The following KCNJ6 variants were observed in gnomAD, a reference collection of about 807,000 sequenced individuals.
KCNJ6 encodes G protein-activated inward rectifier potassium channel 2.
A neutral mutation model predicts 34.2 loss-of-function variants in KCNJ6; 9 were observed. The observed-to-expected ratio is 0.26, with a 90% CI of 0.16 to 0.46. The LOEUF is 0.46. Among genes scored for constraint, KCNJ6 ranks in the 20% least tolerant of loss-of-function variants. The probability of loss-of-function intolerance (pLI) is 1.00; values close to 1 mark genes in which losing one functional copy is unlikely to be tolerated. For missense variants in KCNJ6, 236 were observed against 531.3 expected (o/e 0.44, Z 5.46); for synonymous variants, 196 against 207.1 (o/e 0.95, Z 0.46).
intron 3 of KCNJ6, among the ~76,000 whole-genome samples, chr21:37,702,466 A>G (rs111530463): frequency 0.016 from 2,431 of 152,206 alleles, 46 homozygotes; most frequent in East Asian, 0.047. Context: ...GAGTCACAGT[A>G]TGGCTCAGGA....
At chr21:37,758,460 C>T (rs544004734) in intron 2 of KCNJ6, among the ~76,000 whole-genome samples, 2 of 152,150 alleles carry the variant, frequency 1.3e-5, no homozygotes, top group East Asian at 3.9e-4. Flanking sequence ...AAAATTAATC[C>T]CTCATTTGTA....
At chr21:37,735,828 A>C (rs1814435662) in intron 2 of KCNJ6, among the ~76,000 whole-genome samples, 1 of 152,174 alleles carries the variant, frequency 6.6e-6, no homozygotes, top group Non-Finnish European at 1.5e-5. Context: ...GCTGGGGCAG[A>C]GCTGGGGAGA....
Position 37,616,787 on chromosome 21 carries a change from CA to C in KCNJ6, c.*8371del, listed in dbSNP as rs1426579057. On this transcript the variant is annotated 3_prime_UTR_variant, in exon 4 of 4. Coordinates refer to ENST00000609713, the MANE Select transcript of KCNJ6 (RefSeq NM_002240.5). Reference sequence around the variant, plus strand: ...AAGTTTTCGTGGTGAGATGAGGGAGCAAATTAAGAGAGAGCAGCTGGGGGGA... The same window carrying C: ...AAGTTTTCGTGGTGAGATGAGGGAGCAATTAAGAGAGAGCAGCTGGGGGGA... 1 of 151,014 alleles carries C rather than the reference CA, an allele frequency of 6.6e-6. No individual in the cohort carries two copies. Among genetic ancestry groups the C allele is most frequent in the African/African-American group, 2.4e-5 (1 of 40,960 alleles). The allele number at this position is 151,014 out of a possible 1,614,324, so 9.4% of individuals were successfully genotyped here.
At chr21:37,642,479 T>C (rs1283329945) in intron 3 of KCNJ6, among the ~76,000 whole-genome samples, 1 of 152,084 alleles carries the variant, frequency 6.6e-6, no homozygotes, top group Admixed American at 6.6e-5. Flanking sequence ...CAATATGCAT[T>C]GGATTCAAAC....
intron 2 of KCNJ6, among the ~76,000 whole-genome samples, chr21:37,776,026 T>C (rs193123518): frequency 6.6e-6 from 1 of 152,308 alleles, no homozygotes; most frequent in East Asian, 1.9e-4. Context: ...TTTTATTTCA[T>C]TGAGCAGTGG....
chr21:37,910,789 T>A (rs2055863511), intron 1 of KCNJ6, among the ~76,000 whole-genome samples: 1 of 152,220 alleles, frequency 6.6e-6, no homozygotes, highest in Non-Finnish European at 1.5e-5. Context: ...CATAAATTAG[T>A]CACTTGGTTA....
chr21:37,668,288 AGGGGTAATG>A (rs1001716757), intron 3 of KCNJ6, among the ~76,000 whole-genome samples: 17 of 152,224 alleles, frequency 1.1e-4, no homozygotes, highest in African/African-American at 3.4e-4. Flanking sequence ...CTAGTGCCCC[AGGGGTAATG>A]GGAGCCTGTA....
At chr21:37,849,219 T>A (rs2055525487) in intron 1 of KCNJ6, among the ~76,000 whole-genome samples, 2 of 152,300 alleles carry the variant, frequency 1.3e-5, no homozygotes, top group Non-Finnish European at 1.5e-5. Context: ...GTCCCTAGCT[T>A]CCCAGGACTC....
At position 37,739,659 on chromosome 21, in the gene KCNJ6, C is replaced by T. The variant is rs550429318; in HGVS notation, c.26-24528G>A. On this transcript the variant is annotated intron_variant, in intron 2 of 3. Transcript: ENST00000609713. ...TTCATTTTTTTGAGTGCTATGCAAGCTCGTGTCAGCTTTCTGCACACCACT... is the reference window on the plus strand; with the variant it reads ...TTCATTTTTTTGAGTGCTATGCAAGTTCGTGTCAGCTTTCTGCACACCACT... Among the ~76,000 whole-genome samples the T allele has an allele frequency of 4.9e-4, 74 of 152,244 alleles. 1 individual carries two copies. In the South Asian group the frequency reaches 5.0e-3, roughly 10 times the overall value.
At chr21:37,650,162 C>A (rs2054426642) in intron 3 of KCNJ6, among the ~76,000 whole-genome samples, 1 of 152,182 alleles carries the variant, frequency 6.6e-6, no homozygotes, top group Admixed American at 6.5e-5. Context: ...CTTAGATAAT[C>A]CTGGCCACAC....
intron 3 of KCNJ6, among the ~76,000 whole-genome samples, chr21:37,631,870 A>G (rs902805945): frequency 6.6e-5 from 10 of 152,186 alleles, no homozygotes; most frequent in African/African-American, 2.4e-4. Flanking sequence ...TCTGCAGTGC[A>G]GCGGTGACAC....
intron 1 of KCNJ6, among the ~76,000 whole-genome samples, chr21:37,910,438 G>A (rs1260892858): frequency 6.6e-6 from 1 of 152,216 alleles, no homozygotes; most frequent in Non-Finnish European, 1.5e-5. Flanking sequence ...TAAGTTTAAA[G>A]AGGAAACTGC....
intron 1 of KCNJ6, among the ~76,000 whole-genome samples, chr21:37,904,102 C>T (rs548630457): frequency 1.3e-5 from 2 of 152,290 alleles, no homozygotes; most frequent in African/African-American, 2.4e-5. Flanking sequence ...TTGCTGAAAC[C>T]ACAATGTGAT....
At chr21:37,627,360 GA>G (rs1001956015) in intron 3 of KCNJ6, among the ~76,000 whole-genome samples, 5 of 151,710 alleles carry the variant, frequency 3.3e-5, no homozygotes, top group African/African-American at 9.7e-5. Context: ...TAGGTATTAG[GA>G]AAAAAAAGGT....
Position 37,614,855 on chromosome 21 carries a change from T to C in KCNJ6, c.*10304A>G, listed in dbSNP as rs922919966. 1 of 152,192 alleles carries C rather than the reference T, an allele frequency of 6.6e-6. No homozygotes were observed. Among genetic ancestry groups the C allele is most frequent in the South Asian group, 2.1e-4 (1 of 4,816 alleles). The allele number at this position is 152,192 out of a possible 1,614,324, so 9.4% of individuals were successfully genotyped here. A position where few individuals can be genotyped will look rare whatever the true frequency, so the allele number is the denominator to read the frequency against. On this transcript the variant is annotated 3_prime_UTR_variant, in exon 4 of 4. Transcript: ENST00000609713. ...GTTATGTAGGGAGAGGGTGCTTATA[T>C]TGTTACTGTGTTACTTATGAAGGAC...
At chr21:37,685,821 C>G (rs1018626692) in intron 3 of KCNJ6, among the ~76,000 whole-genome samples, 6 of 150,392 alleles carry the variant, frequency 4.0e-5, no homozygotes, top group African/African-American at 1.2e-4. Context: ...GTATGTCCAT[C>G]AAATAAAGTA....
rs1432423339 is a variant in KCNJ6, at chr21:37,615,000, T to C, written c.*10159A>G. On this transcript the variant is annotated 3_prime_UTR_variant, in exon 4 of 4. Coordinates refer to ENST00000609713, the MANE Select transcript of KCNJ6 (RefSeq NM_002240.5). ...CCATGTGATAACAGGCCACATGTTT[T>C]GTTGATGCCTGTTGTCACAGAATTA... 1 of 152,186 alleles carries C rather than the reference T, an allele frequency of 6.6e-6. No individual in the cohort carries two copies. Among genetic ancestry groups the C allele is most frequent in the East Asian group, 1.9e-4 (1 of 5,194 alleles). The allele number at this position is 152,186 out of a possible 1,614,324, so 9.4% of individuals were successfully genotyped here. A position where few individuals can be genotyped will look rare whatever the true frequency, so the allele number is the denominator to read the frequency against.
At chr21:37,701,644 A>G (rs1423261539) in intron 3 of KCNJ6, among the ~76,000 whole-genome samples, 2 of 152,174 alleles carry the variant, frequency 1.3e-5, no homozygotes, top group African/African-American at 2.4e-5. Context: ...TAAATTAATG[A>G]CATAATGTCA....
chr21:37,669,103 TC>T (rs1388457711), intron 3 of KCNJ6, among the ~76,000 whole-genome samples: 2 of 152,198 alleles, frequency 1.3e-5, no homozygotes, highest in African/African-American at 4.8e-5. Context: ...CAACCCCTTA[TC>T]TTAACCCAAA....
Sources: gnomAD v4.1 joint callset for allele counts (sites outside exome capture counted in the v4.1 genomes callset) on GRCh38, gnomAD v4.1.1 for gene constraint, MANE v1.5 for transcripts, NCBI Gene and HGNC (gene_info 2026-07-23, HGNC 2026-07-21) for gene names.